The following ARHGEF12 variants were observed in gnomAD, a reference collection of about 807,000 sequenced individuals.
The protein encoded by ARHGEF12 is KMT2A/ARHGEF12 fusion protein.
Under a neutral mutation model 211.2 loss-of-function variants are expected in ARHGEF12, and 66 were observed. The ratio of observed to expected loss-of-function variants is 0.31; its 90% CI spans 0.26 to 0.38. The LOEUF is 0.38. Ranked by LOEUF, ARHGEF12 falls within the 10% of genes least tolerant of loss-of-function variation. ARHGEF12 has a pLI of 1.00. For synonymous variants in ARHGEF12, 592 were observed against 638.4 expected, an observed-to-expected ratio of 0.93 and a Z score of 1.09; for missense variants, 1,429 against 1,869.5, an observed-to-expected ratio of 0.76 and a Z score of 4.34.
intron 29 of ARHGEF12, among the ~76,000 whole-genome samples, chr11:120,468,541 CG>C (rs1235678384): frequency 9.9e-5 from 15 of 152,156 alleles, no homozygotes; most frequent in Non-Finnish European, 2.1e-4. Flanking sequence ...CTCCACCTCC[CG>C]GGTTCAAGCA....
chr11:120,481,880 C>T (rs1288070872), intron 39 of ARHGEF12, among the ~76,000 whole-genome samples: 1 of 151,960 alleles, frequency 6.6e-6, no homozygotes, highest in Non-Finnish European at 1.5e-5. Flanking sequence ...CTGCCTCAGC[C>T]TCCCAAGCAG....
intron 28 of ARHGEF12, among the ~76,000 whole-genome samples, chr11:120,465,618 T>C (rs1373434985): frequency 6.6e-6 from 1 of 152,128 alleles, no homozygotes; most frequent in African/African-American, 2.4e-5. Flanking sequence ...AGGTACATGC[T>C]ACCACGCCCT....
chr11:120,462,030 A>G (rs1434335264), intron 27 of ARHGEF12, among the ~76,000 whole-genome samples: 1 of 148,346 alleles, frequency 6.7e-6, no homozygotes, highest in Non-Finnish European at 1.5e-5. Flanking sequence ...TCATTGGAGT[A>G]GCACTTTTAT....
chr11:120,446,480 G>A lies in ARHGEF12; in HGVS notation c.1423G>A (p.Glu475Lys). ...IQTMQERVHP[E>K]VQRHLEDFRQ... ...AACTATGCAAGAAAGAGTCCATCCA[G>A]AAGTTCAAAGGCACTTAGAAGATTT... Residue 475 changes from glutamate (E) to lysine (K), a missense_variant, in exon 17 of 41, where the codon GAA becomes AAA. This residue lies in a region of ARHGEF12 where 373 missense variants were observed against 467.5 expected (regional missense o/e 0.80). Coordinates refer to ENST00000397843, the MANE Select transcript of ARHGEF12 (RefSeq NM_015313.3). 6.2e-7 allele frequency: 1 copy of A among 1,613,260 alleles called. No individual in the cohort carries two copies. Among genetic ancestry groups the A allele is most frequent in the Non-Finnish European group, 8.5e-7 (1 of 1,179,582 alleles).
intron 1 of ARHGEF12, among the ~76,000 whole-genome samples, chr11:120,368,334 G>T (rs1260595558): frequency 6.6e-6 from 1 of 152,060 alleles, no homozygotes; most frequent in African/African-American, 2.4e-5. Flanking sequence ...TAGAGATGGG[G>T]GTCTCCCTAT....
At chr11:120,476,853 A>G in intron 34 of ARHGEF12, 105 bp downstream of exon 34, 1 of 843,200 alleles carries the variant, frequency 1.2e-6, no homozygotes, top group Admixed American at 2.8e-5. Flanking sequence ...GAAACCAAGC[A>G]CTTCCTCTGT....
chr11:120,486,609 G>A lies in ARHGEF12; in HGVS notation c.*1532G>A. ...AACTAAAATGAAGTCTGTAAATTCT[G>A]TTAATAAACAAGGAGTTCATCCGTT... On this transcript the variant is annotated 3_prime_UTR_variant, in exon 41 of 41. Transcript: ENST00000397843. 4.4e-6 allele frequency: 1 copy of A among 225,460 alleles called. No homozygotes were observed. The highest frequency in any genetic ancestry group is 5.7e-5 in the Admixed American group (1 of 17,524). The allele number at this position is 225,460 out of a possible 1,614,324, so 14.0% of individuals were successfully genotyped here. A position where few individuals can be genotyped will look rare whatever the true frequency, so the allele number is the denominator to read the frequency against.
intron 1 of ARHGEF12, among the ~76,000 whole-genome samples, chr11:120,383,086 C>T (rs371141174): frequency 2.0e-5 from 3 of 152,130 alleles, no homozygotes; most frequent in East Asian, 1.9e-4. Context: ...TTGCAGTGAG[C>T]GGAGATCGCA....
chr11:120,481,223 C>G (rs533049142), intron 38 of ARHGEF12, 37 bp from the exon 39 acceptor site: 1 of 1,576,448 alleles, frequency 6.3e-7, no homozygotes. Flanking sequence ...CTAATGGCAG[C>G]ACTGGTCTTA....
chr11:120,408,035 T>A, intron 3 of ARHGEF12: 1 of 437,442 alleles, frequency 2.3e-6, no homozygotes, highest in Non-Finnish European at 4.0e-6. Flanking sequence ...AGAAGTATCA[T>A]TGTAGAGTAT....
Position 120,431,761 on chromosome 11 carries a change from T to C in ARHGEF12, c.784-10T>C. ...TTTGTGTGCGCGTGTTTTTCTTTCA[T>C]CTGTTTTAGGATGGAGCTGTAGTTA... On this transcript the variant is annotated splice_polypyrimidine_tract_variant and intron_variant, in intron 10 of 40. Transcript: ENST00000397843. 1 of 1,560,264 alleles carries C rather than the reference T, an allele frequency of 6.4e-7. No homozygotes were observed. Among genetic ancestry groups the C allele is most frequent in the South Asian group, 1.2e-5 (1 of 82,974 alleles).
rs558676924 is a variant in ARHGEF12, at chr11:120,476,489, A to G, written c.3278-172A>G. 4 of 449,032 alleles carry G rather than the reference A, an allele frequency of 8.9e-6. No homozygotes were observed. In the East Asian group the frequency reaches 1.3e-4, roughly 14 times the overall value. The allele number at this position is 449,032 out of a possible 1,614,324, so 27.8% of individuals were successfully genotyped here. A position where few individuals can be genotyped will look rare whatever the true frequency, so the allele number is the denominator to read the frequency against. On this transcript the variant is annotated intron_variant, in intron 33 of 40. Transcript: ENST00000397843. Reference sequence around the variant, plus strand: ...GTACAATAAATATAGTACAATAAATACGTTAATATGGTAAGTTGCACAAAT... The same window carrying G: ...GTACAATAAATATAGTACAATAAATGCGTTAATATGGTAAGTTGCACAAAT...
intron 39 of ARHGEF12, among the ~76,000 whole-genome samples, chr11:120,483,460 G>GGC (rs1299713001): frequency 6.7e-5 from 10 of 148,962 alleles, no homozygotes; most frequent in African/African-American, 2.2e-4. Flanking sequence ...GTCTCGGTCT[G>GGC]TCACCCAGGC....
chr11:120,457,859 A>G (rs1249768040), intron 24 of ARHGEF12, 103 bp downstream of exon 24: 1 of 1,287,404 alleles, frequency 7.8e-7, no homozygotes, highest in African/African-American at 1.5e-5. Flanking sequence ...CTGTATACCA[A>G]TCTGTTATGT....
intron 13 of ARHGEF12, among the ~76,000 whole-genome samples, chr11:120,441,481 C>T (rs561866806): frequency 6.6e-6 from 1 of 152,270 alleles, no homozygotes; most frequent in Non-Finnish European, 1.5e-5. Context: ...AATTTCCGTT[C>T]TCCCACAGTG....
chr11:120,435,512 C>CTTTTT (rs61516865), intron 11 of ARHGEF12, among the ~76,000 whole-genome samples: 29 of 106,268 alleles, frequency 2.7e-4, no homozygotes, highest in East Asian at 5.6e-4. Context: ...CCCTGTCAAG[C>CTTTTT]TTTTTTTTTT....
At chr11:120,460,638 T>TG in intron 26 of ARHGEF12, 34 bp from the exon 27 acceptor site, 1 of 1,576,006 alleles carries the variant, frequency 6.3e-7, no homozygotes, top group Non-Finnish European at 8.7e-7. Context: ...ACACTGAATG[T>TG]GTTACTAACG....
chr11:120,387,573 AAAG>A (rs752993954), intron 1 of ARHGEF12, among the ~76,000 whole-genome samples: 45 of 152,156 alleles, frequency 3.0e-4, no homozygotes, highest in Non-Finnish European at 2.5e-4. Context: ...AGAATCTTAA[AAAG>A]AAGAACACCT....
Position 120,487,153 on chromosome 11 carries a change from A to G in ARHGEF12, c.*2076A>G, listed in dbSNP as rs1468131876. ...AAAAACTTTGCTCTTAACGTCACAC[A>G]CTACAGGGTAATTATGTAATTCTCT... On this transcript the variant is annotated 3_prime_UTR_variant, in exon 41 of 41. Transcript: ENST00000397843. 1 of 218,382 alleles carries G rather than the reference A, an allele frequency of 4.6e-6. No individual in the cohort carries two copies. Among genetic ancestry groups the G allele is most frequent in the African/African-American group, 2.2e-5 (1 of 44,504 alleles). The allele number at this position is 218,382 out of a possible 1,614,324, so 13.5% of individuals were successfully genotyped here.
Sources: gnomAD v4.1 joint callset for allele counts (sites outside exome capture counted in the v4.1 genomes callset) on GRCh38, gnomAD v4.1.1 for gene constraint, gnomAD v4.1.1 regional missense constraint, MANE v1.5 for transcripts, NCBI Gene and HGNC (gene_info 2026-07-23, HGNC 2026-07-21) for gene names.